GABRB3: variants seen among roughly 807,000 people sequenced by gnomAD.
GABRB3 encodes gamma-aminobutyric acid receptor subunit beta-3.
A neutral mutation model predicts 52.1 loss-of-function variants in GABRB3; 14 were observed. The observed-to-expected ratio is 0.27, with a 90% CI of 0.18 to 0.42. GABRB3 has a LOEUF of 0.42. Among genes scored for constraint, GABRB3 ranks in the 10% least tolerant of loss-of-function variants. The pLI, the probability that GABRB3 is intolerant of heterozygous loss-of-function variation, is 1.00. For missense variants in GABRB3, 307 were observed against 609.1 expected (o/e 0.50, Z 5.22); for synonymous variants, 260 against 232.3 (o/e 1.12, Z -1.08).
intron 4 of GABRB3, among the ~76,000 whole-genome samples, chr15:26,604,635 T>G (rs572815294): frequency 1.7e-4 from 26 of 152,332 alleles, no homozygotes; most frequent in Admixed American, 1.6e-3. Flanking sequence ...AAACTCATTT[T>G]TGACAAAGCT....
intron 3 of GABRB3, among the ~76,000 whole-genome samples, chr15:26,663,902 G>C (rs976547303): frequency 6.6e-6 from 1 of 152,126 alleles, no homozygotes. Context: ...GATTTTTAGT[G>C]ATTAAGTTTT....
intron 3 of GABRB3, among the ~76,000 whole-genome samples, chr15:26,636,562 T>G (rs1161400985): frequency 6.6e-6 from 1 of 152,184 alleles, no homozygotes; most frequent in Non-Finnish European, 1.5e-5. Flanking sequence ...CTCCCTCCCT[T>G]AAGTGATTGC....
At chr15:26,656,067 C>T (rs772040089) in intron 3 of GABRB3, among the ~76,000 whole-genome samples, 11 of 152,026 alleles carry the variant, frequency 7.2e-5, no homozygotes, top group Non-Finnish European at 1.0e-4. Context: ...GGGATGTGCA[C>T]GTTTTAACAG....
At chr15:26,715,225 G>A (rs375416858) in intron 3 of GABRB3, among the ~76,000 whole-genome samples, 2 of 152,018 alleles carry the variant, frequency 1.3e-5, no homozygotes, top group African/African-American at 2.4e-5. Flanking sequence ...AGGAACACAC[G>A]TGGGAGACTT....
At chr15:26,694,150 T>C (rs7172583) in intron 3 of GABRB3, among the ~76,000 whole-genome samples, 131,016 of 152,102 alleles carry the variant, frequency 0.86, 59,194 homozygotes, top group East Asian at 1. Flanking sequence ...ACCCATAGAG[T>C]CTTCTTCCCT....
chr15:26,564,464 C>T (rs1024439228), intron 7 of GABRB3, among the ~76,000 whole-genome samples: 1 of 152,186 alleles, frequency 6.6e-6, no homozygotes, highest in Non-Finnish European at 1.5e-5. Flanking sequence ...GGCCCTGAGT[C>T]CCTCCCGCGT....
At chr15:26,608,102 C>CAAAAAAAAAA (rs60028329) in intron 4 of GABRB3, among the ~76,000 whole-genome samples, 1 of 120,346 alleles carries the variant, frequency 8.3e-6, no homozygotes, top group African/African-American at 2.9e-5. Context: ...ATGGTACTGG[C>CAAAAAAAAAA]AAAAAAAAAA....
intron 3 of GABRB3, among the ~76,000 whole-genome samples, chr15:26,715,536 GAGA>G (rs1234099525): frequency 1.2e-4 from 18 of 152,268 alleles, no homozygotes; most frequent in African/African-American, 4.3e-4. Flanking sequence ...AGGCAGGAAC[GAGA>G]AGGACATGAC....
intron 5 of GABRB3, chr15:26,581,171 G>T: frequency 6.3e-6 from 1 of 158,674 alleles, no homozygotes; most frequent in East Asian, 1.8e-4. Context: ...GAGTAAGTGG[G>T]GCAATAGGTG....
intron 4 of GABRB3, among the ~76,000 whole-genome samples, chr15:26,590,993 A>C (rs1465385861): frequency 6.6e-6 from 1 of 152,222 alleles, no homozygotes; most frequent in Non-Finnish European, 1.5e-5. Flanking sequence ...GCTGTGAGAA[A>C]GCCATGCCCA....
At chr15:26,686,323 T>C (rs1038643913) in intron 3 of GABRB3, among the ~76,000 whole-genome samples, 7 of 152,180 alleles carry the variant, frequency 4.6e-5, no homozygotes, top group Admixed American at 1.3e-4. Flanking sequence ...AAGGACTGGA[T>C]ATAAAAATAG....
At chr15:26,726,807 G>A (rs985010875) in intron 3 of GABRB3, among the ~76,000 whole-genome samples, 36 of 152,156 alleles carry the variant, frequency 2.4e-4, no homozygotes, top group African/African-American at 7.2e-4. Context: ...TTTTCCTTTC[G>A]CAATTAAGAG....
At chr15:26,751,910 T>A (rs1031708461) in intron 3 of GABRB3, among the ~76,000 whole-genome samples, 1 of 152,218 alleles carries the variant, frequency 6.6e-6, no homozygotes, top group African/African-American at 2.4e-5. Flanking sequence ...TGGCTTTCAA[T>A]GGGTGCTTGG....
At chr15:26,591,155 AC>A (rs1315638840) in intron 4 of GABRB3, among the ~76,000 whole-genome samples, 2 of 152,046 alleles carry the variant, frequency 1.3e-5, no homozygotes, top group Non-Finnish European at 2.9e-5. Flanking sequence ...CTCATTAACA[AC>A]CCAGACACAC....
intron 4 of GABRB3, among the ~76,000 whole-genome samples, chr15:26,617,919 C>T (rs1227014697): frequency 1.3e-5 from 2 of 151,786 alleles, no homozygotes; most frequent in Non-Finnish European, 2.9e-5. Context: ...TTCACAATTG[C>T]TTCAAAGAGA....
At chr15:26,561,268 A>C in intron 7 of GABRB3, 92 bp from the exon 8 acceptor site, 1 of 1,571,586 alleles carries the variant, frequency 6.4e-7, no homozygotes. Flanking sequence ...AACAGCTTTA[A>C]GTAGTCAGAG....
intron 3 of GABRB3, among the ~76,000 whole-genome samples, chr15:26,704,899 C>T (rs12592582): frequency 0.067 from 10,164 of 152,252 alleles, 655 homozygotes; most frequent in East Asian, 0.4. Flanking sequence ...TTCTTCTGAG[C>T]TCTCACCAGA....
At chr15:26,551,506 C>A (rs1436386654) in intron 8 of GABRB3, among the ~76,000 whole-genome samples, 1 of 152,214 alleles carries the variant, frequency 6.6e-6, no homozygotes, top group Non-Finnish European at 1.5e-5. Context: ...CTGCCCAGTG[C>A]TGAATCTCCG....
chr15:26,676,383 A>G (rs183666121), intron 3 of GABRB3, among the ~76,000 whole-genome samples: 1 of 152,252 alleles, frequency 6.6e-6, no homozygotes, highest in East Asian at 1.9e-4. Context: ...GTGAGATGAG[A>G]GTGGACCAAC....
Sources: allele counts gnomAD v4.1 joint callset (sites outside exome capture counted in the v4.1 genomes callset), GRCh38; gene constraint gnomAD v4.1.1; transcripts MANE v1.5; gene names NCBI Gene and HGNC (gene_info 2026-07-23, HGNC 2026-07-21).